Variants in EYS observed in about 807,000 individuals in gnomAD.
EYS encodes protein eyes shut homolog.
EYS carries 250 observed loss-of-function variants against 282.1 expected under a neutral mutation model. That is an observed-to-expected ratio of 0.89 (90% confidence interval 0.80 to 0.98). The LOEUF (loss-of-function observed/expected upper bound fraction) is 0.98. Among genes scored for constraint, EYS ranks in the 50% least tolerant of loss-of-function variants. The probability of loss-of-function intolerance (pLI) is 0.00; values close to 1 mark genes in which losing one functional copy is unlikely to be tolerated. For synonymous variants in EYS, 1,355 were observed against 1,282.9 expected (o/e 1.06, Z -1.20); for missense variants, 4,016 against 3,709.0 (o/e 1.08, Z -2.15).
chr6:64,561,247 A>T (rs1765385902), intron 26 of EYS, among the ~76,000 whole-genome samples: 1 of 152,068 alleles, frequency 6.6e-6, no homozygotes. Flanking sequence ...AAAGCTGGAA[A>T]CATTCCCCTT....
intron 12 of EYS, among the ~76,000 whole-genome samples, chr6:65,263,401 G>C (rs1431814167): frequency 6.6e-6 from 1 of 151,970 alleles, no homozygotes; most frequent in African/African-American, 2.4e-5. Flanking sequence ...GATCATATAA[G>C]TGTAAAATAC....
chr6:65,350,863 C>T lies in EYS; in HGVS notation c.1459+2595G>A, dbSNP rs146118772. ...ATCATATTGGCAAGAATTGATTGGGCGTGTAAGACACTTAATTTAGTTGTT... is the reference window on the plus strand; with the variant it reads ...ATCATATTGGCAAGAATTGATTGGGTGTGTAAGACACTTAATTTAGTTGTT... On this transcript the variant is annotated intron_variant, in intron 9 of 42. Transcript: ENST00000503581. Among the ~76,000 whole-genome samples the T allele has an allele frequency of 1.0e-3, 152 of 151,662 alleles. No individual in the cohort carries two copies. In the Middle Eastern group the frequency reaches 0.014, roughly 14 times the overall value.
intron 22 of EYS, among the ~76,000 whole-genome samples, chr6:64,660,123 C>A (rs1273069864): frequency 2.0e-5 from 3 of 152,120 alleles, no homozygotes; most frequent in Admixed American, 6.5e-5. Context: ...TAAACAGAAC[C>A]AACGACAAAA....
chr6:64,273,519 T>G (rs1421378799), intron 30 of EYS, among the ~76,000 whole-genome samples: 1 of 152,158 alleles, frequency 6.6e-6, no homozygotes, highest in Non-Finnish European at 1.5e-5. Context: ...GCTCATGTAT[T>G]TTTTTAATTC....
chr6:64,399,732 C>G (rs1200284123), intron 28 of EYS, among the ~76,000 whole-genome samples: 1 of 151,588 alleles, frequency 6.6e-6, no homozygotes, highest in Non-Finnish European at 1.5e-5. Context: ...CTGGTAAGAC[C>G]CTGACTGAAA....
intron 19 of EYS, among the ~76,000 whole-genome samples, chr6:64,865,001 C>T (rs994854211): frequency 6.6e-6 from 1 of 152,006 alleles, no homozygotes; most frequent in Admixed American, 6.6e-5. Flanking sequence ...CATTGCACTC[C>T]AGCCTGGGCA....
intron 26 of EYS, among the ~76,000 whole-genome samples, chr6:64,499,292 G>A (rs997410705): frequency 1.4e-4 from 22 of 152,212 alleles, no homozygotes; most frequent in Middle Eastern, 6.8e-3. Flanking sequence ...CTCCAAACAC[G>A]GAGACTGTGT....
chr6:65,162,589 C>T (rs989808008), intron 12 of EYS, among the ~76,000 whole-genome samples: 3 of 150,696 alleles, frequency 2.0e-5, no homozygotes, highest in Non-Finnish European at 3.0e-5. Context: ...TTCTGATTAC[C>T]ACTTTATGGC....
chr6:65,314,561 GGTGTGTGTGTGTGTGTGTGTGTGTGT>G (rs4032795), intron 11 of EYS, among the ~76,000 whole-genome samples: 2 of 106,338 alleles, frequency 1.9e-5, no homozygotes, highest in Non-Finnish European at 3.8e-5. Flanking sequence ...TTCCCCTTAT[GGTGTGTGTGTGTGTGTGTGTGTGTGT>G]GTGTGTGTGT....
At position 65,198,119 on chromosome 6, in the gene EYS, T is replaced by C. The variant is rs533173156; in HGVS notation, c.2023+97744A>G. Among the ~76,000 whole-genome samples, 5 of 152,214 alleles carry C rather than the reference T, an allele frequency of 3.3e-5. No individual in the cohort carries two copies. In the South Asian group the frequency reaches 1.0e-3, roughly 32 times the overall value. On this transcript the variant is annotated intron_variant, in intron 12 of 42. Transcript: ENST00000503581. Reference sequence around the variant, plus strand: ...ATTTGTAGTAATTATAACTTTTTAGTACGTTTTGTTGATAACTAAGACAGA... The same window carrying C: ...ATTTGTAGTAATTATAACTTTTTAGCACGTTTTGTTGATAACTAAGACAGA...
chr6:65,020,460 C>T (rs571031958), intron 13 of EYS, among the ~76,000 whole-genome samples: 1 of 152,266 alleles, frequency 6.6e-6, no homozygotes, highest in South Asian at 2.1e-4. Flanking sequence ...CTCCATGTCT[C>T]ACATCCAGAT....
chr6:65,666,293 T>C (rs1418130303), intron 1 of EYS, among the ~76,000 whole-genome samples: 1 of 151,874 alleles, frequency 6.6e-6, no homozygotes, highest in East Asian at 1.9e-4. Context: ...CAATATTTAC[T>C]TATTTTTTAT....
chr6:65,674,752 C>A (rs748860064), intron 1 of EYS, among the ~76,000 whole-genome samples: 7 of 151,740 alleles, frequency 4.6e-5, no homozygotes, highest in African/African-American at 4.8e-5. Flanking sequence ...CAATTGTAAA[C>A]AAAAGAATGC....
At position 64,198,446 on chromosome 6, in the gene EYS, C is replaced by T. The variant is rs563004197; in HGVS notation, c.6424+32146G>A. Among the ~76,000 whole-genome samples, 9 of 151,918 alleles carry T rather than the reference C, an allele frequency of 5.9e-5. No homozygotes were observed. In the South Asian group the frequency reaches 8.3e-4, roughly 14 times the overall value. The stretch of plus-strand genomic sequence containing the variant: ...GTAGGTCTTAAGTCCCACATTAATT[C>T]GGTATTTGTCCTAATGCTAGCCCTC... On this transcript the variant is annotated intron_variant, in intron 31 of 42. Coordinates refer to ENST00000503581, the MANE Select transcript of EYS (RefSeq NM_001142800.2).
chr6:64,827,630 A>G (rs1257410936), intron 19 of EYS, among the ~76,000 whole-genome samples: 1 of 151,900 alleles, frequency 6.6e-6, no homozygotes, highest in African/African-American at 2.4e-5. Flanking sequence ...GGACTTAAGA[A>G]TCAGTGATTT....
Position 65,409,869 on chromosome 6 carries a change from G to A in EYS, c.863-4502C>T, listed in dbSNP as rs550309449. Among the ~76,000 whole-genome samples the A allele has an allele frequency of 2.0e-5, 3 of 152,136 alleles. No homozygotes were observed. In the South Asian group the frequency reaches 6.2e-4, roughly 32 times the overall value. ...TTGGATTGTGTCAGTTTGTAAAACA[G>A]ACAGTCATAAAGGCAGTATAAAATG... On this transcript the variant is annotated intron_variant, in intron 5 of 42. Coordinates refer to ENST00000503581, the MANE Select transcript of EYS (RefSeq NM_001142800.2).
chr6:65,664,088 T>G (rs1768118510), intron 1 of EYS, among the ~76,000 whole-genome samples: 1 of 152,024 alleles, frequency 6.6e-6, no homozygotes, highest in Admixed American at 6.6e-5. Flanking sequence ...GCCGTGATGG[T>G]CTCCATCTCC....
At chr6:64,407,318 G>A in intron 28 of EYS, among the ~76,000 whole-genome samples, 1 of 152,070 alleles carries the variant, frequency 6.6e-6, no homozygotes, top group East Asian at 1.9e-4. Context: ...GGCTGGGTGC[G>A]GGACAGCATT....
At chr6:65,129,181 A>C (rs539571686) in intron 12 of EYS, among the ~76,000 whole-genome samples, 1 of 152,154 alleles carries the variant, frequency 6.6e-6, no homozygotes, top group African/African-American at 2.4e-5. Context: ...TGGATTAAAT[A>C]AAGACTTAAA....
Sources: gnomAD v4.1 joint callset for allele counts (sites outside exome capture counted in the v4.1 genomes callset) on GRCh38, gnomAD v4.1.1 for gene constraint, MANE v1.5 for transcripts, NCBI Gene and HGNC (gene_info 2026-07-23, HGNC 2026-07-21) for gene names.